GNAI1: variants seen among roughly 807,000 people sequenced by gnomAD.
GNAI1 encodes the protein G protein subunit alpha i1.
A neutral mutation model predicts 38.9 loss-of-function variants in GNAI1; 11 were observed. The ratio of observed to expected loss-of-function variants is 0.28; its 90% CI spans 0.18 to 0.47. GNAI1 has a LOEUF of 0.47. GNAI1 is among the 20% of genes least tolerant of loss of function. GNAI1 has a pLI of 0.99. For missense variants in GNAI1, 317 were observed against 436.9 expected (o/e 0.73, Z 2.45); for synonymous variants, 166 against 145.1 (o/e 1.14, Z -1.04).
At chr7:80,152,238 G>A (rs1353939713) in intron 1 of GNAI1, among the ~76,000 whole-genome samples, 1 of 152,060 alleles carries the variant, frequency 6.6e-6, no homozygotes, top group Non-Finnish European at 1.5e-5. Flanking sequence ...CTTTCCTTAT[G>A]TTATTTCATG....
chr7:80,216,522 G>A (rs763045348), intron 7 of GNAI1, among the ~76,000 whole-genome samples: 14 of 152,128 alleles, frequency 9.2e-5, no homozygotes, highest in Non-Finnish European at 1.3e-4. Flanking sequence ...TACAGTATGC[G>A]ATCTTTTTGC....
intron 5 of GNAI1, 85 bp downstream of exon 5, chr7:80,203,917 CA>C: frequency 2.5e-6 from 2 of 785,936 alleles, no homozygotes; most frequent in South Asian, 5.0e-5. Context: ...AAGTTTACAA[CA>C]TTTTTACAGT....
intron 3 of GNAI1, among the ~76,000 whole-genome samples, chr7:80,192,986 A>G (rs1034472597): frequency 2.7e-5 from 4 of 149,184 alleles, no homozygotes; most frequent in Non-Finnish European, 4.4e-5. Context: ...GGCATGAGGC[A>G]CCGCACCCGG....
At chr7:80,210,297 A>G (rs1386460434) in intron 5 of GNAI1, among the ~76,000 whole-genome samples, 1 of 152,166 alleles carries the variant, frequency 6.6e-6, no homozygotes, top group Non-Finnish European at 1.5e-5. Context: ...TTGTATAAAA[A>G]TTGAATTTTT....
intron 6 of GNAI1, among the ~76,000 whole-genome samples, chr7:80,211,890 G>A (rs182582630): frequency 6.6e-6 from 1 of 152,128 alleles, no homozygotes; most frequent in East Asian, 1.9e-4. Context: ...GTTTTGTTCA[G>A]TTGACCCTTG....
intron 1 of GNAI1, among the ~76,000 whole-genome samples, chr7:80,167,925 G>A (rs529966284): frequency 2.0e-5 from 3 of 152,276 alleles, no homozygotes; most frequent in South Asian, 2.1e-4. Context: ...ATAAAGTTAC[G>A]ATTTTTCACC....
rs1324947139 is a variant in GNAI1, at chr7:80,222,148, G to T, written c.*4655G>T. 1.3e-5 allele frequency among the ~76,000 whole-genome samples: 2 copies of T among 151,934 alleles called. No homozygotes were observed. The highest frequency in any genetic ancestry group is 2.9e-5 in the Non-Finnish European group (2 of 68,006). On this transcript the variant is annotated 3_prime_UTR_variant, in exon 8 of 8. Transcript: ENST00000649796. ...GTTACGAAATTTCACATTTCATCAA[G>T]TCCAGAGGCCAGAGACACCCAAATA...
intron 1 of GNAI1, among the ~76,000 whole-genome samples, chr7:80,179,627 T>A (rs1457602767): frequency 1.3e-5 from 2 of 152,172 alleles, no homozygotes; most frequent in Admixed American, 6.5e-5. Flanking sequence ...TCTGAGACTT[T>A]CCCCTACGTA....
chr7:80,220,444 A>T lies in GNAI1; in HGVS notation c.*2951A>T, dbSNP rs1399677743. On this transcript the variant is annotated 3_prime_UTR_variant, in exon 8 of 8. Transcript: ENST00000649796. The stretch of plus-strand genomic sequence containing the variant: ...AGGGTGCCCTTCTGGGAACTACATG[A>T]TTCTGATAGAGCTGCCAATCGCATT... Among the ~76,000 whole-genome samples, 2 of 152,166 alleles carry T rather than the reference A, an allele frequency of 1.3e-5. No individual in the cohort carries two copies. The highest frequency in any genetic ancestry group is 1.5e-5 in the Non-Finnish European group (1 of 68,042).
chr7:80,221,636 C>CTT lies in GNAI1; in HGVS notation c.*4167_*4168dup, dbSNP rs71518978. 0.087 allele frequency among the ~76,000 whole-genome samples: 8,076 copies of CTT among 92,872 alleles called. 356 individuals carry two copies. The highest frequency in any genetic ancestry group is 0.15 in the East Asian group (388 of 2,512). The allele number at this position is 92,872 out of a possible 152,430, so 60.9% of individuals were successfully genotyped here. On this transcript the variant is annotated 3_prime_UTR_variant, in exon 8 of 8. Coordinates refer to ENST00000649796, the MANE Select transcript of GNAI1 (RefSeq NM_002069.6). The stretch of plus-strand genomic sequence containing the variant: ...ATTTTAATGTTAGGTTGGAAATTTT[C>CTT]TTTTTTTTTTTTTTTTTTTTTTTTT...
At chr7:80,166,900 C>T (rs555842486) in intron 1 of GNAI1, among the ~76,000 whole-genome samples, 2 of 152,252 alleles carry the variant, frequency 1.3e-5, no homozygotes, top group African/African-American at 4.8e-5. Flanking sequence ...TATAAGTTGA[C>T]AAGATGTATA....
intron 1 of GNAI1, among the ~76,000 whole-genome samples, chr7:80,180,788 C>T (rs561378544): frequency 6.6e-6 from 1 of 152,080 alleles, no homozygotes; most frequent in Non-Finnish European, 1.5e-5. Context: ...CACTTTAACT[C>T]TCAAAAGTCC....
chr7:80,135,203 C>T lies in GNAI1; in HGVS notation c.43C>T (p.Arg15Trp), dbSNP rs776765120. 1.3e-6 allele frequency: 2 copies of T among 1,554,404 alleles called. No homozygotes were observed. The highest frequency in any genetic ancestry group is 1.7e-6 in the Non-Finnish European group (2 of 1,150,982). Residue 15 changes from arginine (R) to tryptophan (W), a missense_variant, in exon 1 of 8, where the codon CGG becomes TGG. Arg to Trp is a moderately radical substitution (Grantham distance 101, BLOSUM62 -3). This residue lies in a region of GNAI1 where 37 missense variants were observed against 26.2 expected (regional missense o/e 1.41). Coordinates refer to ENST00000649796, the MANE Select transcript of GNAI1 (RefSeq NM_002069.6). ...LSAEDKAAVE[R>W]SKMIDRNLRE... ...CGCCGAGGACAAGGCGGCGGTGGAG[C>T]GGAGTAAGATGATCGACCGCAACCT... is the stretch of plus-strand genomic sequence containing the variant.
chr7:80,150,425 A>C (rs1787703250), intron 1 of GNAI1, among the ~76,000 whole-genome samples: 1 of 152,244 alleles, frequency 6.6e-6, no homozygotes. Flanking sequence ...ATGCTAAGTT[A>C]AATATGCACT....
intron 1 of GNAI1, 99 bp from the exon 2 acceptor site, chr7:80,188,852 C>G: frequency 1.3e-6 from 1 of 751,288 alleles, no homozygotes; most frequent in Non-Finnish European, 2.3e-6. Context: ...CAGAGAGAGA[C>G]TGGGTGTGTG....
chr7:80,155,792 C>A (rs1444158759), intron 1 of GNAI1, among the ~76,000 whole-genome samples: 4 of 151,826 alleles, frequency 2.6e-5, no homozygotes, highest in East Asian at 1.9e-4. Flanking sequence ...CATGGTGGCT[C>A]ACACCTGTAA....
chr7:80,165,202 A>C (rs1250045628), intron 1 of GNAI1, among the ~76,000 whole-genome samples: 3 of 152,134 alleles, frequency 2.0e-5, no homozygotes, highest in African/African-American at 7.2e-5. Flanking sequence ...CTCCCCTCTT[A>C]AATCTCTAAA....
Position 80,217,331 on chromosome 7 carries a change from A to C in GNAI1, c.903A>C (p.Ala301=). ...CAAACACATATGAAGAGGCAGCTGC[A>C]TATATTCAATGTCAGTTTGAAGACC... is the stretch of plus-strand genomic sequence containing the variant. ...AGSNTYEEAA[A]YIQCQFEDLN... The change falls in exon 8 of 8, where the codon GCA becomes GCC. Residue 301 remains alanine (A), a synonymous_variant. Coordinates refer to ENST00000649796, the MANE Select transcript of GNAI1 (RefSeq NM_002069.6). 6.3e-7 allele frequency: 1 copy of C among 1,595,598 alleles called. No individual in the cohort carries two copies. Among genetic ancestry groups the C allele is most frequent in the Non-Finnish European group, 8.5e-7 (1 of 1,172,470 alleles).
intron 3 of GNAI1, among the ~76,000 whole-genome samples, chr7:80,191,308 GTGT>G (rs1181915883): frequency 6.6e-6 from 1 of 152,070 alleles, no homozygotes; most frequent in Non-Finnish European, 1.5e-5. Flanking sequence ...TTGAAACTGA[GTGT>G]TGAAACATGA....
Sources: allele counts gnomAD v4.1 joint callset (sites outside exome capture counted in the v4.1 genomes callset), GRCh38; gene constraint gnomAD v4.1.1; regional missense constraint gnomAD v4.1.1; transcripts MANE v1.5; gene names NCBI Gene and HGNC (gene_info 2026-07-23, HGNC 2026-07-21).